The following DCAF17 variants were observed in gnomAD, a reference collection of about 807,000 sequenced individuals.
DCAF17 encodes the protein DDB1- and CUL4-associated factor 17.
In DCAF17, 48 loss-of-function variants were observed where a neutral mutation model predicts 66.0. That is an observed-to-expected ratio of 0.73 (90% CI 0.58 to 0.92). DCAF17 has a LOEUF of 0.92. Among genes scored for constraint, DCAF17 ranks in the 40% least tolerant of loss-of-function variants. The pLI is 0.00. For synonymous variants in DCAF17, 206 were observed against 214.6 expected (o/e 0.96, Z 0.35); for missense variants, 562 against 622.8 (o/e 0.90, Z 1.04).
In DCAF17 at chr2:171,434,602, G is replaced by A. The variant is rs752565445; in HGVS notation, c.25G>A (p.Val9Met). The A allele has an allele frequency of 1.3e-6, 2 of 1,528,030 alleles. No individual in the cohort carries two copies. The highest frequency in any genetic ancestry group is 1.2e-5 in the South Asian group (1 of 83,492). The allele number at this position is 1,528,030 out of a possible 1,614,324, so 94.7% of individuals were successfully genotyped here. The change falls in exon 1 of 14, where the codon GTG (valine) becomes ATG (methionine). Residue 9 changes from valine (V) to methionine (M), a missense_variant. Val to Met is a conservative substitution (Grantham distance 21). Transcript: ENST00000375255. ...CATGGGCCCGACCCGGAAGCCCAAC[G>A]TGTGCAGCCGGCTGAGTCGCCGGGC... MGPTRKPN[V>M]CSRLSRRALG...
At chr2:171,454,176 A>G (rs1695111652) in intron 6 of DCAF17, among the ~76,000 whole-genome samples, 1 of 152,118 alleles carries the variant, frequency 6.6e-6, no homozygotes, top group Non-Finnish European at 1.5e-5. Context: ...TCTCTAAAAA[A>G]TTAAAATAAA....
intron 3 of DCAF17, among the ~76,000 whole-genome samples, chr2:171,448,389 T>C (rs1694757366): frequency 6.6e-6 from 1 of 152,040 alleles, no homozygotes; most frequent in Admixed American, 6.6e-5. Context: ...TGTCTTCTAC[T>C]GTTATTATGA....
chr2:171,446,267 G>T (rs1574333957), intron 3 of DCAF17, among the ~76,000 whole-genome samples: 1 of 151,958 alleles, frequency 6.6e-6, no homozygotes, highest in South Asian at 2.1e-4. Context: ...TAGGAGAGTG[G>T]CCAGGTGCGG....
At chr2:171,471,964 G>A (rs146850238) in intron 9 of DCAF17, among the ~76,000 whole-genome samples, 113 of 151,140 alleles carry the variant, frequency 7.5e-4, no homozygotes, top group African/African-American at 2.7e-3. Flanking sequence ...CCAGTGAGCC[G>A]AGATCACACC....
chr2:171,481,434 A>C lies in DCAF17; in HGVS notation c.*320A>C, dbSNP rs1696741580. On this transcript the variant is annotated 3_prime_UTR_variant, in exon 14 of 14. Coordinates refer to ENST00000375255, the MANE Select transcript of DCAF17 (RefSeq NM_025000.4). ...CAATTGTTGAGGAGTTAAGTCATTG[A>C]TGGGGTGGGTCATTGATGAGTTCTT... The C allele has an allele frequency of 2.1e-6, 1 of 472,098 alleles. No individual in the cohort carries two copies. The highest frequency in any genetic ancestry group is 4.2e-6 in the Non-Finnish European group (1 of 239,024). The allele number at this position is 472,098 out of a possible 1,614,324, so 29.2% of individuals were successfully genotyped here.
Position 171,468,934 on chromosome 2 carries a change from T to C in DCAF17, c.885T>C (p.Phe295=). The C allele has an allele frequency of 6.2e-7, 1 of 1,614,148 alleles. No individual in the cohort carries two copies. Among genetic ancestry groups the C allele is most frequent in the South Asian group, 1.1e-5 (1 of 91,082 alleles). Residue 295 remains phenylalanine (F), a synonymous_variant, in exon 9 of 14, where the codon TTT becomes TTC. Coordinates refer to ENST00000375255, the MANE Select transcript of DCAF17 (RefSeq NM_025000.4). ...LFEVSSLENA[F]QIGGHPWHYI... ...AGGTGTCATCCCTGGAGAATGCTTT[T>C]CAGATTGGAGGCCATCCTTGGCACT...
intron 1 of DCAF17, 48 bp downstream of exon 1, chr2:171,434,751 C>T (rs977399548): frequency 2.2e-6 from 3 of 1,389,810 alleles, no homozygotes; most frequent in Non-Finnish European, 2.8e-6. Flanking sequence ...GGGCGCGCGG[C>T]GGCCGAGCCT....
intron 8 of DCAF17, among the ~76,000 whole-genome samples, chr2:171,459,094 G>C (rs1170966434): frequency 6.6e-6 from 1 of 152,036 alleles, no homozygotes; most frequent in East Asian, 1.9e-4. Context: ...CGGATCACTT[G>C]AGGTTGGGAG....
At chr2:171,477,167 C>T (rs576806047) in intron 11 of DCAF17, among the ~76,000 whole-genome samples, 4 of 152,114 alleles carry the variant, frequency 2.6e-5, no homozygotes, top group South Asian at 2.1e-4. Context: ...TGCTGATTTC[C>T]GCTTCTTTTC....
At chr2:171,471,308 G>A (rs1696232226) in intron 9 of DCAF17, among the ~76,000 whole-genome samples, 1 of 152,148 alleles carries the variant, frequency 6.6e-6, no homozygotes, top group African/African-American at 2.4e-5. Flanking sequence ...CCGAACTTAA[G>A]ATTTCAGAAA....
chr2:171,452,689 C>T (rs940068557), intron 5 of DCAF17, among the ~76,000 whole-genome samples: 7 of 152,160 alleles, frequency 4.6e-5, no homozygotes, highest in African/African-American at 1.2e-4. Flanking sequence ...GTCTCAGACT[C>T]CTAGCCTCAA....
chr2:171,480,841 A>T (rs1696709635), intron 13 of DCAF17, 133 bp from the exon 14 acceptor site: 1 of 1,106,964 alleles, frequency 9.0e-7, no homozygotes, highest in Middle Eastern at 2.1e-4. Context: ...TGAAAAATAA[A>T]CCTCTTTCTA....
chr2:171,450,654 A>G (rs1354141628), intron 5 of DCAF17, among the ~76,000 whole-genome samples: 1 of 152,176 alleles, frequency 6.6e-6, no homozygotes, highest in East Asian at 1.9e-4. Context: ...ACACCTAGAA[A>G]AAGCAAATAC....
At chr2:171,456,658 G>A (rs1043102272) in intron 6 of DCAF17, among the ~76,000 whole-genome samples, 1 of 152,010 alleles carries the variant, frequency 6.6e-6, no homozygotes, top group African/African-American at 2.4e-5. Flanking sequence ...CCATTTGTTT[G>A]TGTCATCTTT....
Position 171,476,926 on chromosome 2 carries a change from T to C in DCAF17, c.1158T>C (p.Ile386=). ...ATCAGATCTCTGAAGATTTTGTCAT[T>C]TTGGCCAACAGGGAGAACCATAAAG... ...SQHQISEDFV[I]LANRENHKNE... The change falls in exon 11 of 14, where the codon ATT becomes ATC. Residue 386 remains isoleucine (I), a synonymous_variant. Transcript: ENST00000375255. 5 of 1,613,648 alleles carry C rather than the reference T, an allele frequency of 3.1e-6. No individual in the cohort carries two copies. The highest frequency in any genetic ancestry group is 4.2e-6 in the Non-Finnish European group (5 of 1,179,730).
At chr2:171,453,297 G>T (rs1695061566) in intron 6 of DCAF17, 84 bp downstream of exon 6, 1 of 1,030,802 alleles carries the variant, frequency 9.7e-7, no homozygotes, top group South Asian at 1.5e-5. Flanking sequence ...TGAGATATTT[G>T]ATTGGAAATG....
chr2:171,465,309 G>A (rs1420398466), intron 8 of DCAF17, among the ~76,000 whole-genome samples: 2 of 152,020 alleles, frequency 1.3e-5, no homozygotes, highest in African/African-American at 4.8e-5. Context: ...GTGTTCAAAG[G>A]CGATTTGAAA....
At chr2:171,466,266 G>T (rs2105789490) in intron 8 of DCAF17, among the ~76,000 whole-genome samples, 1 of 152,282 alleles carries the variant, frequency 6.6e-6, no homozygotes, top group South Asian at 2.1e-4. Flanking sequence ...TACAGGTGTA[G>T]CCCTTCTTCT....
At chr2:171,443,395 G>T in intron 2 of DCAF17, 128 bp from the exon 3 acceptor site, 1 of 669,544 alleles carries the variant, frequency 1.5e-6, no homozygotes, top group Non-Finnish European at 2.5e-6. Context: ...TTAATATTTA[G>T]TTAAGAGGAA....
Sources: gnomAD v4.1 joint callset for allele counts (sites outside exome capture counted in the v4.1 genomes callset) on GRCh38, gnomAD v4.1.1 for gene constraint, MANE v1.5 for transcripts, NCBI Gene and HGNC (gene_info 2026-07-23, HGNC 2026-07-21) for gene names.